The following TASP1 variants were observed in gnomAD, a reference collection of about 807,000 sequenced individuals.
TASP1 encodes threonine aspartase 1.
Under a neutral mutation model 56.6 loss-of-function variants are expected in TASP1, and 16 were observed. That is an observed-to-expected ratio of 0.28 (90% confidence interval 0.19 to 0.43). The LOEUF (loss-of-function observed/expected upper bound fraction) is 0.43. TASP1 is among the 20% of genes least tolerant of loss of function. TASP1 has a pLI of 1.00. For missense variants in TASP1, 393 were observed against 511.6 expected (o/e 0.77, Z 2.24); for synonymous variants, 179 against 184.2 (o/e 0.97, Z 0.23).
intron 13 of TASP1, among the ~76,000 whole-genome samples, chr20:13,408,610 A>G (rs1376901668): frequency 2.0e-5 from 3 of 152,160 alleles, no homozygotes; most frequent in Non-Finnish European, 4.4e-5. Flanking sequence ...ATAAAATGCC[A>G]GTGATGCCAT....
intron 11 of TASP1, among the ~76,000 whole-genome samples, chr20:13,481,827 T>C (rs2043150774): frequency 7.2e-6 from 1 of 139,264 alleles, no homozygotes. Flanking sequence ...TATTAATCCC[T>C]TGTCAGATGG....
the TASP1 span, among the ~76,000 whole-genome samples, chr20:13,262,047 G>A: frequency 1.3e-5 from 2 of 152,330 alleles, no homozygotes; most frequent in East Asian, 3.9e-4. Flanking sequence ...CCTTTTAGGT[G>A]CACTAATGAT....
At chr20:13,609,966 T>C (rs1360513138) in intron 4 of TASP1, among the ~76,000 whole-genome samples, 1 of 152,168 alleles carries the variant, frequency 6.6e-6, no homozygotes, top group South Asian at 2.1e-4. Flanking sequence ...TGCTACACTG[T>C]GAACAAACTT....
At chr20:13,564,645 CA>C (rs1042415517) in intron 7 of TASP1, among the ~76,000 whole-genome samples, 32 of 146,606 alleles carry the variant, frequency 2.2e-4, no homozygotes, top group Non-Finnish European at 3.0e-5. Flanking sequence ...ATCTTGGAAA[CA>C]AAAAAAAAGT....
chr20:13,463,881 G>C (rs1364259264), intron 11 of TASP1, among the ~76,000 whole-genome samples: 1 of 152,090 alleles, frequency 6.6e-6, no homozygotes, highest in Non-Finnish European at 1.5e-5. Context: ...AGGATGTAAA[G>C]AAATGGGAAG....
the TASP1 span, among the ~76,000 whole-genome samples, chr20:13,138,484 C>T: frequency 1.3e-5 from 2 of 152,148 alleles, no homozygotes; most frequent in Non-Finnish European, 2.9e-5. Flanking sequence ...TCACACACAC[C>T]CCTAACCCAG....
intron 6 of TASP1, among the ~76,000 whole-genome samples, chr20:13,579,429 C>T (rs529406768): frequency 2.0e-5 from 3 of 151,188 alleles, no homozygotes; most frequent in Non-Finnish European, 4.4e-5. Context: ...AGTGAAGTGG[C>T]GCGATCTCAG....
chr20:13,485,266 T>C (rs2043283768), intron 10 of TASP1, among the ~76,000 whole-genome samples: 1 of 152,134 alleles, frequency 6.6e-6, no homozygotes, highest in African/African-American at 2.4e-5. Context: ...AGATTAGAAA[T>C]ATGTCATATT....
chr20:13,523,003 A>G (rs1293864392), intron 10 of TASP1, among the ~76,000 whole-genome samples: 2 of 152,190 alleles, frequency 1.3e-5, no homozygotes, highest in African/African-American at 2.4e-5. Flanking sequence ...GGATAATCAC[A>G]TGACTTTAGA....
At chr20:13,626,906 C>G (rs540888777) in intron 2 of TASP1, among the ~76,000 whole-genome samples, 17 of 118,532 alleles carry the variant, frequency 1.4e-4, no homozygotes, top group South Asian at 6.9e-4. Context: ...CAGAGCCCCC[C>G]CCCCACCCCG....
At chr20:13,150,790 T>C in the TASP1 span, among the ~76,000 whole-genome samples, 7 of 152,208 alleles carry the variant, frequency 4.6e-5, no homozygotes, top group Non-Finnish European at 8.8e-5. Flanking sequence ...AACTTCTGTG[T>C]TCTTCCACAA....
the TASP1 span, among the ~76,000 whole-genome samples, chr20:13,304,175 C>T: frequency 6.6e-6 from 1 of 152,192 alleles, no homozygotes; most frequent in Non-Finnish European, 1.5e-5. Flanking sequence ...AGTCACTCTC[C>T]TCAGCTCTGC....
the TASP1 span, among the ~76,000 whole-genome samples, chr20:13,351,422 AC>A: frequency 1.3e-5 from 2 of 152,216 alleles, no homozygotes; most frequent in African/African-American, 4.8e-5. Flanking sequence ...ATTGGGAAAA[AC>A]CAACACATCC....
rs991871693 is a variant in TASP1 at position 13,390,553 on chromosome 20, T to C, written c.1171-101A>G. Reference sequence around the variant, plus strand: ...AAAGGTGGAGGAAACACCAGAGCATTAGGCCTTCATTTTGCTTCTGAGCAT... The same window carrying C: ...AAAGGTGGAGGAAACACCAGAGCATCAGGCCTTCATTTTGCTTCTGAGCAT... On this transcript the variant is annotated intron_variant, in intron 13 of 13. Coordinates refer to ENST00000337743, the MANE Select transcript of TASP1 (RefSeq NM_017714.3). 2.4e-5 allele frequency: 23 copies of C among 960,030 alleles called. No individual in the cohort carries two copies. The African/African-American group carries it at 2.9e-4, about 12-fold the overall frequency. 59.5% of individuals were successfully genotyped at this position (960,030 alleles called of 1,614,324 possible).
the TASP1 span, among the ~76,000 whole-genome samples, chr20:13,161,727 G>T: frequency 5.9e-5 from 9 of 152,134 alleles, no homozygotes; most frequent in Non-Finnish European, 8.8e-5. Flanking sequence ...ATGTTCCATA[G>T]AGTAGGCATT....
chr20:13,511,762 C>A (rs1334835256), intron 10 of TASP1, among the ~76,000 whole-genome samples: 1 of 134,678 alleles, frequency 7.4e-6, no homozygotes, highest in African/African-American at 2.7e-5. Flanking sequence ...CCCCCTCCCC[C>A]ACCCCACAAC....
intron 13 of TASP1, among the ~76,000 whole-genome samples, chr20:13,398,549 A>AG (rs891769838): frequency 2.0e-5 from 3 of 152,190 alleles, no homozygotes; most frequent in African/African-American, 7.2e-5. Flanking sequence ...CCAAATGTCA[A>AG]GGAATGCCTT....
the TASP1 span, among the ~76,000 whole-genome samples, chr20:13,153,454 CA>C: frequency 6.6e-6 from 1 of 152,080 alleles, no homozygotes; most frequent in African/African-American, 2.4e-5. Context: ...CCAAATGCCT[CA>C]AAAAACAGCC....
intron 12 of TASP1, among the ~76,000 whole-genome samples, chr20:13,423,185 C>T (rs986242398): frequency 1.3e-5 from 2 of 152,066 alleles, no homozygotes; most frequent in Admixed American, 6.5e-5. Context: ...CAATTAAAAA[C>T]AAATGAGGAA....
Sources: gnomAD v4.1 joint callset for allele counts (sites outside exome capture counted in the v4.1 genomes callset) on GRCh38, gnomAD v4.1.1 for gene constraint, MANE v1.5 for transcripts, NCBI Gene and HGNC (gene_info 2026-07-23, HGNC 2026-07-21) for gene names.